Variants in CDH23 observed in about 807,000 individuals in gnomAD.
CDH23 encodes the protein cadherin-23.
In CDH23, 189 loss-of-function variants were observed where a neutral mutation model predicts 317.1. That is an observed-to-expected ratio of 0.60 (90% CI 0.53 to 0.67). The LOEUF (loss-of-function observed/expected upper bound fraction) is 0.67, where lower values mean the gene tolerates loss of function less well. Ranked by LOEUF, CDH23 falls within the 30% of genes least tolerant of loss-of-function variation. The pLI, the probability that CDH23 is intolerant of heterozygous loss-of-function variation, is 0.00. For missense variants in CDH23, 4,401 were observed against 4,592.4 expected, an observed-to-expected ratio of 0.96 and a Z score of 1.20; for synonymous variants, 1,839 against 1,876.8, an observed-to-expected ratio of 0.98 and a Z score of 0.52.
chr10:71,712,698 C>A lies in CDH23; in HGVS notation c.3254C>A (p.Thr1085Lys). Residue 1085 changes from threonine (T) to lysine (K), a missense_variant, in exon 28 of 70, where the codon ACA becomes AAA. By Grantham distance (78) the Thr-to-Lys change is moderately conservative. Coordinates refer to ENST00000224721, the MANE Select transcript of CDH23 (RefSeq NM_022124.6). ...NGPVGKRHTGTATVFVTVLDV... is the reference protein window; with the variant it reads ...NGPVGKRHTGKATVFVTVLDV... The stretch of plus-strand genomic sequence containing the variant: ...CCTGTAGGGAAGCGACACACGGGCA[C>A]AGCCACCGTGTTCGTCACTGTCCTG... 1 of 1,613,730 alleles carries A rather than the reference C, an allele frequency of 6.2e-7. No homozygotes were observed. The highest frequency in any genetic ancestry group is 1.3e-5 in the African/African-American group (1 of 75,078).
At chr10:71,592,751 G>A (rs747050516) in intron 9 of CDH23, among the ~76,000 whole-genome samples, 45 of 152,128 alleles carry the variant, frequency 3.0e-4, no homozygotes, top group African/African-American at 5.1e-4. Context: ...AGCTTGCAGC[G>A]TTTCGGACCT....
At chr10:71,760,940 G>T in intron 38 of CDH23, 1 of 1,613,590 alleles carries the variant, frequency 6.2e-7, no homozygotes, top group South Asian at 1.1e-5. Context: ...GGAACAAACA[G>T]AAGGGCCATT....
chr10:71,504,164 T>C (rs1476825463), intron 3 of CDH23, among the ~76,000 whole-genome samples: 2 of 152,238 alleles, frequency 1.3e-5, no homozygotes, highest in Non-Finnish European at 2.9e-5. Context: ...AGAACTCTTT[T>C]TCTGTTGAAA....
At chr10:71,417,824 G>A (rs1848598388) in intron 1 of CDH23, among the ~76,000 whole-genome samples, 1 of 152,166 alleles carries the variant, frequency 6.6e-6, no homozygotes, top group Non-Finnish European at 1.5e-5. Flanking sequence ...TGCCCAGGAT[G>A]GTCTCTAACT....
intron 8 of CDH23, among the ~76,000 whole-genome samples, chr10:71,571,137 T>A (rs1857776333): frequency 6.6e-6 from 1 of 152,200 alleles, no homozygotes; most frequent in Admixed American, 6.5e-5. Flanking sequence ...AGGGGCTCTG[T>A]GTGGCAAAGA....
chr10:71,784,204 C>CTA, intron 41 of CDH23, 83 bp from the exon 42 acceptor site: 1 of 1,464,954 alleles, frequency 6.8e-7, no homozygotes, highest in South Asian at 1.3e-5. Context: ...GTGAGGCTTG[C>CTA]TAGAGGAAGC....
intron 55 of CDH23, among the ~76,000 whole-genome samples, chr10:71,803,815 C>CAAAA (rs59916449): frequency 1.4e-4 from 10 of 71,094 alleles, no homozygotes; most frequent in South Asian, 5.9e-4. Flanking sequence ...ACTAAAAATG[C>CAAAA]AAAAAAAAAA....
chr10:71,583,135 G>A (rs981258485), intron 9 of CDH23, among the ~76,000 whole-genome samples: 1 of 152,082 alleles, frequency 6.6e-6, no homozygotes, highest in Non-Finnish European at 1.5e-5. Context: ...CGGAAAGAGG[G>A]GCGGACAGGC....
chr10:71,501,060 G>T (rs1193764346), intron 3 of CDH23, among the ~76,000 whole-genome samples: 1 of 151,922 alleles, frequency 6.6e-6, no homozygotes, highest in African/African-American at 2.4e-5. Context: ...TAGAGACGGG[G>T]TTTAACCATG....
chr10:71,774,059 A>G (rs1025034063), intron 38 of CDH23, among the ~76,000 whole-genome samples: 5 of 150,034 alleles, frequency 3.3e-5, no homozygotes, highest in Non-Finnish European at 3.0e-5. Flanking sequence ...GCGCACACAC[A>G]CACACACACA....
At chr10:71,438,882 T>C (rs1297520523) in intron 1 of CDH23, among the ~76,000 whole-genome samples, 1 of 151,986 alleles carries the variant, frequency 6.6e-6, no homozygotes, top group South Asian at 2.1e-4. Flanking sequence ...TGTGTGTGAG[T>C]CTGGCCCTGC....
At chr10:71,807,208 C>T in intron 57 of CDH23, 69 bp from the exon 58 acceptor site, 1 of 1,581,584 alleles carries the variant, frequency 6.3e-7, no homozygotes, top group Non-Finnish European at 8.6e-7. Context: ...TGCCCAGGGC[C>T]CTGAAACAGG....
At chr10:71,637,014 C>T (rs1032534870) in intron 11 of CDH23, among the ~76,000 whole-genome samples, 5 of 152,078 alleles carry the variant, frequency 3.3e-5, no homozygotes, top group Non-Finnish European at 7.4e-5. Flanking sequence ...GACTTAGCAC[C>T]CCCCTTAATG....
At chr10:71,738,383 T>G in intron 34 of CDH23, 115 bp from the exon 35 acceptor site, 1 of 1,240,952 alleles carries the variant, frequency 8.1e-7, no homozygotes, top group Non-Finnish European at 1.2e-6. Flanking sequence ...GAGGGTTTGC[T>G]GATGTTCCAG....
rs1841500703 is a variant in CDH23, at chr10:71,799,627, A to G, written c.7360A>G (p.Thr2454Ala). The G allele has an allele frequency of 6.2e-7, 1 of 1,613,914 alleles. No homozygotes were observed. Among genetic ancestry groups the G allele is most frequent in the East Asian group, 2.2e-5 (1 of 44,888 alleles). ...GESKFAINPTTGDIYVLSSLD... is the reference protein window; with the variant it reads ...GESKFAINPTAGDIYVLSSLD... ...GAGCAAGTTTGCCATCAACCCCACCACGGTGAGCAGTGATGGAGGGCCTGG... is the reference window on the plus strand; with the variant it reads ...GAGCAAGTTTGCCATCAACCCCACCGCGGTGAGCAGTGATGGAGGGCCTGG... Residue 2454 changes from threonine to alanine, a missense_variant and splice_region_variant, in exon 52 of 70, where the codon ACG becomes GCG. Thr to Ala is a moderately conservative substitution (Grantham distance 58). Coordinates refer to ENST00000224721, the MANE Select transcript of CDH23 (RefSeq NM_022124.6).
rs116819714 is a variant in CDH23 at position 71,667,418 on chromosome 10, G to A, written c.1450-7694G>A. Reference sequence around the variant, plus strand: ...TGTGCGCGTGTGTGTGTGAGGGGTGGAGGTGTGGGAGACCTCTGAGTAGAG... The same window carrying A: ...TGTGCGCGTGTGTGTGTGAGGGGTGAAGGTGTGGGAGACCTCTGAGTAGAG... On this transcript the variant is annotated intron_variant, in intron 14 of 69. Coordinates refer to ENST00000224721, the MANE Select transcript of CDH23 (RefSeq NM_022124.6). Among the ~76,000 whole-genome samples, 1,193 of 151,702 alleles carry A rather than the reference G, an allele frequency of 7.9e-3. 24 individuals carry two copies. The highest frequency in any genetic ancestry group is 0.028 in the African/African-American group (1,148 of 41,296).
In CDH23 at chr10:71,812,568, A is replaced by C; in HGVS notation, c.9469A>C (p.Ser3157Arg). The change falls in exon 67 of 70, where the codon AGT becomes CGT. Residue 3157 changes from serine (S) to arginine (R), a missense_variant. Around this residue, in one of 3 missense-constraint regions of CDH23, gnomAD observed 1,144 missense variants for 1,138.2 expected, o/e 1.01. Coordinates refer to ENST00000224721, the MANE Select transcript of CDH23 (RefSeq NM_022124.6). ...TGAGGATGACCTACCGGAGAACCTG[A>C]GTGAGATCGCCGACCTGTGGAACAG... ...EHEDDLPENL[S>R]EIADLWNSPT... 1 of 1,613,916 alleles carries C rather than the reference A, an allele frequency of 6.2e-7. No individual in the cohort carries two copies. Among genetic ancestry groups the C allele is most frequent in the Non-Finnish European group, 8.5e-7 (1 of 1,179,872 alleles).
At chr10:71,809,731 G>A in intron 60 of CDH23, 89 bp from the exon 61 acceptor site, 3 of 1,537,274 alleles carry the variant, frequency 2.0e-6, no homozygotes, top group Non-Finnish European at 2.6e-6. Context: ...TCCCCTAGAT[G>A]TGCCCACCTA....
chr10:71,767,057 CA>C (rs1840563435), intron 38 of CDH23, among the ~76,000 whole-genome samples: 1 of 152,240 alleles, frequency 6.6e-6, no homozygotes, highest in Non-Finnish European at 1.5e-5. Flanking sequence ...AGAGTTCCAT[CA>C]GGGGCATCTG....
Sources: gnomAD v4.1 joint callset for allele counts (sites outside exome capture counted in the v4.1 genomes callset) on GRCh38, gnomAD v4.1.1 for gene constraint, gnomAD v4.1.1 regional missense constraint, MANE v1.5 for transcripts, NCBI Gene and HGNC (gene_info 2026-07-23, HGNC 2026-07-21) for gene names.